The following PCDH15 variants were observed in gnomAD, a reference collection of about 807,000 sequenced individuals.
The protein encoded by PCDH15 is protocadherin-15.
A neutral mutation model predicts 178.5 loss-of-function variants in PCDH15; 129 were observed. The observed-to-expected ratio is 0.72, with a 90% CI of 0.63 to 0.84. The LOEUF (loss-of-function observed/expected upper bound fraction) is 0.84, where lower values mean the gene tolerates loss of function less well. Among genes scored for constraint, PCDH15 ranks in the 40% least tolerant of loss-of-function variants. The pLI is 0.00. For synonymous variants in PCDH15, 800 were observed against 732.0 expected (o/e 1.09, Z -1.50); for missense variants, 2,230 against 2,099.9 (o/e 1.06, Z -1.21).
At chr10:54,243,883 T>G (rs1013717362) in intron 8 of PCDH15, among the ~76,000 whole-genome samples, 1 of 152,172 alleles carries the variant, frequency 6.6e-6, no homozygotes, top group Non-Finnish European at 1.5e-5. Flanking sequence ...ACTTTGAACT[T>G]TTTGTATTGT....
chr10:55,051,833 AT>A (rs1365170697), intron 2 of PCDH15, among the ~76,000 whole-genome samples: 2 of 152,156 alleles, frequency 1.3e-5, no homozygotes, highest in African/African-American at 2.4e-5. Context: ...AATAAGAGAA[AT>A]TTAAGCATAT....
At chr10:54,016,965 A>G (rs924705647) in intron 20 of PCDH15, among the ~76,000 whole-genome samples, 3 of 152,236 alleles carry the variant, frequency 2.0e-5, no homozygotes, top group Admixed American at 1.3e-4. Context: ...AACCTTTTGA[A>G]TTAAAATAAT....
intron 2 of PCDH15, among the ~76,000 whole-genome samples, chr10:55,524,234 C>A (rs1269868448): frequency 1.3e-5 from 2 of 151,442 alleles, no homozygotes; most frequent in African/African-American, 4.8e-5. Context: ...ACTTTGTGGG[C>A]ACTATTCTTC....
intron 1 of PCDH15, among the ~76,000 whole-genome samples, chr10:55,238,107 CT>C (rs1334992639): frequency 6.8e-6 from 1 of 146,688 alleles, no homozygotes; most frequent in Non-Finnish European, 1.5e-5. Context: ...TAAAAATAAG[CT>C]TTAGTTTATC....
intron 18 of PCDH15, among the ~76,000 whole-genome samples, chr10:54,027,053 C>T (rs1343323769): frequency 6.9e-6 from 1 of 145,724 alleles, no homozygotes; most frequent in Non-Finnish European, 1.5e-5. Context: ...ATTGTCTCAG[C>T]CCAAAATCTC....
chr10:54,006,938 C>T (rs902139574), intron 20 of PCDH15, among the ~76,000 whole-genome samples: 1 of 152,130 alleles, frequency 6.6e-6, no homozygotes, highest in Non-Finnish European at 1.5e-5. Flanking sequence ...AGTCTCCCGT[C>T]TTCACAGAAG....
intron 15 of PCDH15, among the ~76,000 whole-genome samples, chr10:54,103,064 G>C (rs1444656495): frequency 6.6e-6 from 1 of 152,170 alleles, no homozygotes; most frequent in Non-Finnish European, 1.5e-5. Flanking sequence ...AGTGTAATGG[G>C]ATTCTTCCTC....
At chr10:55,495,888 T>C (rs145119152) in intron 2 of PCDH15, among the ~76,000 whole-genome samples, 4,284 of 151,990 alleles carry the variant, frequency 0.028, 259 homozygotes, top group East Asian at 0.23. Context: ...TATAATGGAA[T>C]CTTATTTGTT....
chr10:54,995,568 T>G (rs1274017874), intron 2 of PCDH15, among the ~76,000 whole-genome samples: 1 of 151,718 alleles, frequency 6.6e-6, no homozygotes, highest in Non-Finnish European at 1.5e-5. Context: ...GTGAAACTGG[T>G]CCAACTGTCC....
chr10:55,225,637 G>T (rs1160834517), intron 1 of PCDH15, among the ~76,000 whole-genome samples: 1 of 142,266 alleles, frequency 7.0e-6, no homozygotes, highest in Non-Finnish European at 1.6e-5. Context: ...GTGTGTGTTT[G>T]TGTGTGTGTG....
intron 3 of PCDH15, among the ~76,000 whole-genome samples, chr10:54,501,712 A>G (rs577147851): frequency 1.8e-4 from 28 of 152,206 alleles, no homozygotes; most frequent in African/African-American, 6.3e-4. Context: ...AAAGATATCC[A>G]ATGCTATGAA....
chr10:54,363,039 C>T (rs935349957), intron 5 of PCDH15, among the ~76,000 whole-genome samples: 4 of 151,936 alleles, frequency 2.6e-5, no homozygotes, highest in African/African-American at 7.2e-5. Flanking sequence ...GGAACATCAG[C>T]GTAGAAATAT....
intron 2 of PCDH15, among the ~76,000 whole-genome samples, chr10:55,382,438 A>G (rs1837557927): frequency 6.6e-6 from 1 of 152,176 alleles, no homozygotes; most frequent in African/African-American, 2.4e-5. Flanking sequence ...CAAGGACTAA[A>G]TCTACCATTG....
chr10:54,924,810 C>T (rs1429161296), intron 2 of PCDH15, among the ~76,000 whole-genome samples: 1 of 152,004 alleles, frequency 6.6e-6, no homozygotes, highest in Non-Finnish European at 1.5e-5. Context: ...TTTTCTTGTA[C>T]ATTTGTTTAA....
chr10:53,831,432 C>A lies in PCDH15; in HGVS notation c.4085G>T (p.Ser1362Ile), dbSNP rs760949659. ...LEIRTPEAVTSIKKRGESLGY... is the reference protein window; with the variant it reads ...LEIRTPEAVTIIKKRGESLGY... ...TAGACTTTCTCCTCTCTTTTTAATGCTGGTCACTGCCTCTGGAGTCCGGAT... is the reference window on the plus strand; with the variant it reads ...TAGACTTTCTCCTCTCTTTTTAATGATGGTCACTGCCTCTGGAGTCCGGAT... Residue 1362 changes from serine (S) to isoleucine (I), a missense_variant, in exon 30 of 38, where the codon AGC becomes ATC. Coordinates refer to ENST00000644397, the MANE Select transcript of PCDH15 (RefSeq NM_001384140.1). The A allele has an allele frequency of 6.2e-6, 10 of 1,614,074 alleles. No homozygotes were observed. The Admixed American group carries it at 1.7e-4, about 27-fold the overall frequency.
intron 1 of PCDH15, among the ~76,000 whole-genome samples, chr10:55,266,201 T>A (rs1592034518): frequency 9.7e-6 from 1 of 103,314 alleles, no homozygotes. Context: ...CTTATAAAAC[T>A]TTTTTTTTTT....
intron 21 of PCDH15, among the ~76,000 whole-genome samples, chr10:53,964,422 TTTATTCATAAAATTTTTATA>T (rs2088747445): frequency 7.6e-6 from 1 of 132,440 alleles, no homozygotes; most frequent in Non-Finnish European, 1.8e-5. Context: ...ATAAATTTTA[TTTATTCATAAAATTTTTATA>T]AAATTTTATT....
At chr10:54,031,473 G>T (rs1023636185) in intron 18 of PCDH15, among the ~76,000 whole-genome samples, 8 of 151,762 alleles carry the variant, frequency 5.3e-5, no homozygotes, top group African/African-American at 1.7e-4. Flanking sequence ...TTAGAGAAAA[G>T]AATCTGTAAA....
At chr10:54,804,554 C>T (rs190485744), upstream of PCDH15, among the ~76,000 whole-genome samples, 2 of 151,518 alleles carry the variant, frequency 1.3e-5, no homozygotes, top group East Asian at 3.9e-4. Context: ...TTCACCTCCC[C>T]TTCCAAAAAA....
Sources: gnomAD v4.1 joint callset for allele counts (sites outside exome capture counted in the v4.1 genomes callset) on GRCh38, gnomAD v4.1.1 for gene constraint, MANE v1.5 for transcripts, NCBI Gene and HGNC (gene_info 2026-07-23, HGNC 2026-07-21) for gene names.